The following ACSM2B variants were observed in gnomAD, a reference collection of about 807,000 sequenced individuals.
ACSM2B encodes acyl-coenzyme A synthetase ACSM2B, mitochondrial.
Under a neutral mutation model 78.6 loss-of-function variants are expected in ACSM2B, and 58 were observed. The observed-to-expected ratio is 0.74, with a 90% CI of 0.60 to 0.92. The LOEUF (loss-of-function observed/expected upper bound fraction) is 0.92, where lower values mean the gene tolerates loss of function less well. Among genes scored for constraint, ACSM2B ranks in the 40% least tolerant of loss-of-function variants. The pLI is 0.00. For synonymous variants in ACSM2B, 257 were observed against 256.8 expected (o/e 1.00, Z -0.01); for missense variants, 688 against 711.2 (o/e 0.97, Z 0.37).
Position 20,540,672 on chromosome 16 carries a change from T to G in ACSM2B, c.1611A>C (p.Pro537=). Residue 537 remains proline (P), a synonymous_variant, in exon 13 of 14, where the codon CCA becomes CCC. Coordinates refer to ENST00000329697, the MANE Select transcript of ACSM2B (RefSeq NM_001105069.2). The part of the protein sequence containing the change: ...LQQHVKSVTA[P]YKYPRKIEFV... ...GCCTTACCTTTCTTGGGTACTTGTA[T>G]GGGGCTGTCACTGACTTCACATGCT... is the stretch of plus-strand genomic sequence containing the variant. 1 of 1,614,066 alleles carries G rather than the reference T, an allele frequency of 6.2e-7. No individual in the cohort carries two copies. The highest frequency in any genetic ancestry group is 1.1e-5 in the South Asian group (1 of 91,074).
At chr16:20,566,718 G>GTATATACTA (rs1567218517) in intron 1 of ACSM2B, among the ~76,000 whole-genome samples, 187 of 4,946 alleles carry the variant, frequency 0.038, 13 homozygotes, top group Admixed American at 0.059. Flanking sequence ...AGTATATATA[G>GTATATACTA]TATATACTAT....
chr16:20,536,335 G>A lies in ACSM2B; in HGVS notation c.*923C>T, dbSNP rs2014844998. ...CCAAAAACATGAGGTATGGGTAGCT[G>A]ATAACTTTGGCAGTGCTTACTTTGT... On this transcript the variant is annotated 3_prime_UTR_variant, in exon 14 of 14. Coordinates refer to ENST00000329697, the MANE Select transcript of ACSM2B (RefSeq NM_001105069.2). 6.6e-6 allele frequency: 1 copy of A among 152,178 alleles called. No individual in the cohort carries two copies. The highest frequency in any genetic ancestry group is 2.4e-5 in the African/African-American group (1 of 41,448). The allele number at this position is 152,178 out of a possible 1,614,324, so 9.4% of individuals were successfully genotyped here.
At chr16:20,556,609 T>C (rs1192772672) in intron 3 of ACSM2B, among the ~76,000 whole-genome samples, 2 of 152,034 alleles carry the variant, frequency 1.3e-5, no homozygotes, top group Admixed American at 6.6e-5. Context: ...CTCAAAAAAA[T>C]AAAAGAAAAA....
At chr16:20,565,002 C>T (rs1198408540) in intron 1 of ACSM2B, 149 bp from the exon 2 acceptor site, 2 of 1,167,586 alleles carry the variant, frequency 1.7e-6, no homozygotes, top group African/African-American at 3.4e-5. Context: ...CACTCTGCAT[C>T]TGTTTCAGTC....
Position 20,537,123 on chromosome 16 carries a change from A to G in ACSM2B, c.*135T>C. Reference sequence around the variant, plus strand: ...ATCTAACATAGTAATGTTTTGTGCTAATAACCAGGGCAAGACAAAACTTAC... The same window carrying G: ...ATCTAACATAGTAATGTTTTGTGCTGATAACCAGGGCAAGACAAAACTTAC... On this transcript the variant is annotated 3_prime_UTR_variant, in exon 14 of 14. Transcript: ENST00000329697. The G allele has an allele frequency of 2.8e-6, 3 of 1,058,400 alleles. No homozygotes were observed. In the South Asian group the frequency reaches 4.6e-5, roughly 16 times the overall value. 65.6% of individuals were successfully genotyped at this position (1,058,400 alleles called of 1,614,324 possible).
Position 20,559,327 on chromosome 16 carries a change from C to T in ACSM2B, c.298G>A (p.Ala100Thr). The T allele has an allele frequency of 6.8e-6, 11 of 1,611,372 alleles. No homozygotes were observed. The highest frequency in any genetic ancestry group is 9.3e-6 in the Non-Finnish European group (11 of 1,178,814). ...SQQAANILSG[A>T]CGLQRGDRVA... ...CGATCCCCACGCTGCAGGCCACAGG[C>T]TCCCGAGAGGATGTTGGCTGCCTGC... is the stretch of plus-strand genomic sequence containing the variant. Residue 100 changes from alanine (A) to threonine (T), a missense_variant, in exon 3 of 14, where the codon GCC (alanine) becomes ACC (threonine). Transcript: ENST00000329697.
At position 20,548,259 on chromosome 16, in the gene ACSM2B, T is replaced by C. The variant is rs556040483; in HGVS notation, c.975-74A>G. 13 of 1,610,454 alleles carry C rather than the reference T, an allele frequency of 8.1e-6. 1 individual carries two copies. The East Asian group carries it at 2.9e-4, about 36-fold the overall frequency. ...TCCACTCAGGCCTAGACTTGGTTTC[T>C]GGGTGCTTTGATGATGCAAATGGCT... is the stretch of plus-strand genomic sequence containing the variant. On this transcript the variant is annotated intron_variant, in intron 7 of 13. Transcript: ENST00000329697.
intron 1 of ACSM2B, among the ~76,000 whole-genome samples, chr16:20,566,310 T>C (rs1384849413): frequency 7.4e-6 from 1 of 135,458 alleles, no homozygotes; most frequent in Non-Finnish European, 1.6e-5. Flanking sequence ...TATATAAATA[T>C]ATATCCATCA....
At chr16:20,560,031 G>A (rs28866262) in intron 2 of ACSM2B, among the ~76,000 whole-genome samples, 9 of 150,810 alleles carry the variant, frequency 6.0e-5, no homozygotes, top group Non-Finnish European at 1.0e-4. Flanking sequence ...AACATTTCCA[G>A]TTTTAACTAT....
rs372746451 is a variant in ACSM2B at position 20,540,416 on chromosome 16, C to T, written c.1629+238G>A. On this transcript the variant is annotated intron_variant, in intron 13 of 13. Coordinates refer to ENST00000329697, the MANE Select transcript of ACSM2B (RefSeq NM_001105069.2). Reference sequence around the variant, plus strand: ...TGCCACTACACCAGGCTAATTTTTGCATTTTGGGTAGAGACGGGGTTTCAC... The same window carrying T: ...TGCCACTACACCAGGCTAATTTTTGTATTTTGGGTAGAGACGGGGTTTCAC... Among the ~76,000 whole-genome samples, 4 of 151,832 alleles carry T rather than the reference C, an allele frequency of 2.6e-5. No individual in the cohort carries two copies. In the East Asian group the frequency reaches 5.8e-4, roughly 22 times the overall value.
chr16:20,558,671 A>G (rs1270536862), intron 3 of ACSM2B, among the ~76,000 whole-genome samples: 1 of 152,118 alleles, frequency 6.6e-6, no homozygotes, highest in East Asian at 1.9e-4. Context: ...TGGTTAATTC[A>G]AGTCTCTTTT....
intron 12 of ACSM2B, chr16:20,541,610 AG>A: frequency 6.6e-6 from 1 of 151,012 alleles, no homozygotes; most frequent in Admixed American, 6.6e-5. Flanking sequence ...GACATTATAT[AG>A]TACTTACTAT....
At chr16:20,575,617 G>A (rs2016226519) in intron 1 of ACSM2B, 1 of 150,424 alleles carries the variant, frequency 6.6e-6, no homozygotes, top group Non-Finnish European at 1.5e-5. Flanking sequence ...TAGTCATGCT[G>A]GATTAGGTGG....
At position 20,545,227 on chromosome 16, in the gene ACSM2B, G is replaced by C. The variant is rs780099757; in HGVS notation, c.1211C>G (p.Pro404Arg). ...GATGCCAATGTCTCCTTCTGTGCCG[G>C]GGGGCAGGACGTTGCCCTTATCATC... ...VIDDKGNVLP[P>R]GTEGDIGIRV... Residue 404 changes from proline (P) to arginine (R), a missense_variant, in exon 10 of 14, where the codon CCC becomes CGC. Transcript: ENST00000329697. 9 of 1,613,952 alleles carry C rather than the reference G, an allele frequency of 5.6e-6. No individual in the cohort carries two copies. The highest frequency in any genetic ancestry group is 7.6e-6 in the Non-Finnish European group (9 of 1,179,886).
chr16:20,571,828 C>G (rs2016100659), intron 1 of ACSM2B, among the ~76,000 whole-genome samples: 1 of 149,996 alleles, frequency 6.7e-6, no homozygotes, highest in South Asian at 2.1e-4. Flanking sequence ...CATAATGTCC[C>G]TCTTTGTCTT....
At position 20,548,435 on chromosome 16, in the gene ACSM2B, G is replaced by C; in HGVS notation, c.933C>G (p.Ala311=). ...GTAGCAACATCCGGTAAACAATAGG[G>C]GCACCCATCATACTCTTGATTGGAT... The part of the protein sequence containing the change: ...SSYPIKSMMG[A]PIVYRMLLQQ... The change falls in exon 7 of 14, where the codon GCC becomes GCG. Residue 311 remains alanine, a synonymous_variant. Coordinates refer to ENST00000329697, the MANE Select transcript of ACSM2B (RefSeq NM_001105069.2). 6.2e-7 allele frequency: 1 copy of C among 1,613,554 alleles called. No individual in the cohort carries two copies. The highest frequency in any genetic ancestry group is 8.5e-7 in the Non-Finnish European group (1 of 1,179,724).
At chr16:20,547,816 G>C (rs2015184519) in intron 8 of ACSM2B, 20 of 1,058,884 alleles carry the variant, frequency 1.9e-5, no homozygotes, top group South Asian at 8.9e-5. Context: ...TGCCATGCTA[G>C]ATATTTCTTA....
chr16:20,569,890 G>A (rs2016047990), intron 1 of ACSM2B, among the ~76,000 whole-genome samples: 1 of 151,740 alleles, frequency 6.6e-6, no homozygotes, highest in African/African-American at 2.4e-5. Context: ...CAGAGCTACT[G>A]GTTTTTGTAC....
At chr16:20,553,121 G>A (rs1408490681) in intron 5 of ACSM2B, among the ~76,000 whole-genome samples, 1 of 152,022 alleles carries the variant, frequency 6.6e-6, no homozygotes, top group Non-Finnish European at 1.5e-5. Context: ...CTGTCCCTAT[G>A]GGCTCATAGA....
Sources: allele counts gnomAD v4.1 joint callset (sites outside exome capture counted in the v4.1 genomes callset), GRCh38; gene constraint gnomAD v4.1.1; transcripts MANE v1.5; gene names NCBI Gene and HGNC (gene_info 2026-07-23, HGNC 2026-07-21).